Variants in TMOD4 observed in about 807,000 individuals in gnomAD.
The protein encoded by TMOD4 is tropomodulin 4.
TMOD4 carries 34 observed loss-of-function variants against 45.4 expected under a neutral mutation model. The observed-to-expected ratio is 0.75, with a 90% CI of 0.57 to 1.00. The LOEUF (loss-of-function observed/expected upper bound fraction) is 1.00, where lower values mean the gene tolerates loss of function less well. Among genes scored for constraint, TMOD4 ranks in the 50% least tolerant of loss-of-function variants. The pLI is 0.00. For missense variants in TMOD4, 399 were observed against 437.5 expected (o/e 0.91, Z 0.78); for synonymous variants, 131 against 153.9 (o/e 0.85, Z 1.10).
chr1:151,174,601 G>C, intron 2 of TMOD4, 54 bp from the exon 3 acceptor site: 1 of 1,602,800 alleles, frequency 6.2e-7, no homozygotes, highest in Non-Finnish European at 8.5e-7. Context: ...CCTAGGTACT[G>C]CTAGGGCTCC....
In TMOD4 at chr1:151,174,509, C is replaced by G. The variant is rs766859462; in HGVS notation, c.162G>C (p.Gln54His). 1.2e-6 allele frequency: 2 copies of G among 1,614,188 alleles called. No homozygotes were observed. The highest frequency in any genetic ancestry group is 1.7e-6 in the Non-Finnish European group (2 of 1,180,036). The change falls in exon 3 of 10, where the codon CAG becomes CAC. Residue 54 changes from glutamine (Q) to histidine (H), a missense_variant. Physicochemically the swap from Gln to His is conservative, Grantham distance 24. Coordinates refer to ENST00000295314, the MANE Select transcript of TMOD4 (RefSeq NM_013353.3). ...LLPAGLRQRD[Q>H]TKKSPTGPLD... ...GTGGCCCCGTTGGGCTCTTCTTTGT[C>G]TGGTCACGTTGTCTTAGTCCAGCTG...
At chr1:151,170,697 C>A in intron 8 of TMOD4, 34 bp from the exon 9 acceptor site, 1 of 1,610,978 alleles carries the variant, frequency 6.2e-7, no homozygotes, top group Non-Finnish European at 8.5e-7. Flanking sequence ...TGACAGTCAC[C>A]CTCTCTGGGC....
At position 151,170,610 on chromosome 1, in the gene TMOD4, C is replaced by T. The variant is rs1486544984; in HGVS notation, c.924G>A (p.Gln308=). The change falls in exon 9 of 10, where the codon CAG becomes CAA. Residue 308 remains glutamine (Q), a synonymous_variant. Coordinates refer to ENST00000295314, the MANE Select transcript of TMOD4 (RefSeq NM_013353.3). The part of the protein sequence containing the change: ...VEMEMATVLE[Q]CPSIVRFGYH... Reference sequence around the variant, plus strand: ...AGCCAAAGCGGACAATAGAGGGACACTGCTCTAGCACGGTGGCCATCTCCA... The same window carrying T: ...AGCCAAAGCGGACAATAGAGGGACATTGCTCTAGCACGGTGGCCATCTCCA... 6.2e-7 allele frequency: 1 copy of T among 1,614,222 alleles called. No homozygotes were observed. Among genetic ancestry groups the T allele is most frequent in the South Asian group, 1.1e-5 (1 of 91,092 alleles).
In TMOD4 at chr1:151,171,756, T is replaced by C; in HGVS notation, c.495A>G (p.Val165=). 9.9e-6 allele frequency: 16 copies of C among 1,613,966 alleles called. No individual in the cohort carries two copies. The highest frequency in any genetic ancestry group is 1.4e-5 in the Non-Finnish European group (16 of 1,179,958). Residue 165 remains valine, a synonymous_variant, in exon 6 of 10, where the codon GTA becomes GTG. Transcript: ENST00000295314. ...GCACTGGCTTATACTTGTCAGGCTG[T>C]ACCACACCTGGTGAATGAGGGCAGG... ...ICNTEGISSV[V]QPDKYKPVPD... is the part of the protein sequence containing the mutation.
At chr1:151,171,884 T>A in intron 5 of TMOD4, 121 bp from the exon 6 acceptor site, 1 of 1,275,494 alleles carries the variant, frequency 7.8e-7, no homozygotes, top group Non-Finnish European at 1.1e-6. Flanking sequence ...CCACCTAGGC[T>A]GGAATGCAGT....
At chr1:151,172,780 A>G (rs938192767) in intron 4 of TMOD4, among the ~76,000 whole-genome samples, 2 of 151,600 alleles carry the variant, frequency 1.3e-5, no homozygotes, top group Non-Finnish European at 2.9e-5. Flanking sequence ...TTACAGGTGC[A>G]TGCTGCCATG....
At chr1:151,171,803 C>T (rs2101712098) in intron 5 of TMOD4, 40 bp from the exon 6 acceptor site, 2 of 1,586,844 alleles carry the variant, frequency 1.3e-6, no homozygotes, top group African/African-American at 1.4e-5. Flanking sequence ...AACATGTTCC[C>T]CATAATCTCC....
At chr1:151,173,375 C>T (rs893539295) in intron 4 of TMOD4, 124 bp downstream of exon 4, 4 of 706,100 alleles carry the variant, frequency 5.7e-6, no homozygotes, top group Admixed American at 2.3e-5. Context: ...AAGCTTGAAA[C>T]TACTGCTTGA....
chr1:151,170,181 C>G, intron 9 of TMOD4, 78 bp from the exon 10 acceptor site: 3 of 1,558,808 alleles, frequency 1.9e-6, no homozygotes, highest in Non-Finnish European at 2.7e-6. Flanking sequence ...CCTTTCCAGT[C>G]CCTTAGCCAA....
chr1:151,171,365 T>G lies in TMOD4; in HGVS notation c.726+68A>C. On this transcript the variant is annotated intron_variant, in intron 7 of 9. Coordinates refer to ENST00000295314, the MANE Select transcript of TMOD4 (RefSeq NM_013353.3). ...GAATAGCACTCCCTAGCAAAACCCT[T>G]TATGACAGCCATGCAACAGGTGCAT... The G allele has an allele frequency of 2.1e-6, 3 of 1,451,866 alleles. No homozygotes were observed. In the South Asian group the frequency reaches 3.5e-5, roughly 17 times the overall value. The allele number at this position is 1,451,866 out of a possible 1,614,324, so 89.9% of individuals were successfully genotyped here. A position where few individuals can be genotyped will look rare whatever the true frequency, so the allele number is the denominator to read the frequency against.
chr1:151,173,063 C>T (rs587636841), intron 4 of TMOD4, among the ~76,000 whole-genome samples: 12 of 152,200 alleles, frequency 7.9e-5, no homozygotes, highest in African/African-American at 2.6e-4. Context: ...CCTCGTGATC[C>T]ACCCGCCTCG....
At position 151,170,532 on chromosome 1, in the gene TMOD4, T is replaced by G. The variant is rs762610359; in HGVS notation, c.1002A>C (p.Arg334=). Residue 334 remains arginine, a synonymous_variant, in exon 9 of 10, where the codon CGA becomes CGC. Coordinates refer to ENST00000295314, the MANE Select transcript of TMOD4 (RefSeq NM_013353.3). ...GCAGTTACTCACGTAGTTCATTGTTTCGGGTCATGGCCTGGGCTGCCCGAG... is the reference window on the plus strand; with the variant it reads ...GCAGTTACTCACGTAGTTCATTGTTGCGGGTCATGGCCTGGGCTGCCCGAG... ...PRARAAQAMT[R]NNELRRQQKK... The G allele has an allele frequency of 1.2e-5, 20 of 1,614,110 alleles. No homozygotes were observed. The African/African-American group carries it at 2.0e-4, about 16-fold the overall frequency.
In TMOD4 at chr1:151,174,787, T is replaced by G. The variant is rs1296965601; in HGVS notation, c.89A>C (p.Gln30Pro). The G allele has an allele frequency of 6.2e-7, 1 of 1,614,032 alleles. No individual in the cohort carries two copies. Among genetic ancestry groups the G allele is most frequent in the African/African-American group, 1.3e-5 (1 of 74,940 alleles). ...CATCTCCTGTAGTTCGCAGTCCAGCTGCTCTAGCTCCTCGGGGCTCAAGGT... is the reference window on the plus strand; with the variant it reads ...CATCTCCTGTAGTTCGCAGTCCAGCGGCTCTAGCTCCTCGGGGCTCAAGGT... ...LRTLSPEELEQLDCELQEMDP... is the reference protein window; with the variant it reads ...LRTLSPEELEPLDCELQEMDP... Residue 30 changes from glutamine (Q) to proline (P), a missense_variant, in exon 2 of 10, where the codon CAG (glutamine) becomes CCG (proline). Physicochemically the swap from Gln to Pro is moderately conservative, Grantham distance 76 (BLOSUM62 -1). Coordinates refer to ENST00000295314, the MANE Select transcript of TMOD4 (RefSeq NM_013353.3).
Position 151,172,295 on chromosome 1 carries a change from C to A in TMOD4, c.460G>T (p.Glu154Ter). 1 of 1,613,914 alleles carries A rather than the reference C, an allele frequency of 6.2e-7. No individual in the cohort carries two copies. The highest frequency in any genetic ancestry group is 8.5e-7 in the Non-Finnish European group (1 of 1,179,856). Residue 154 changes from glutamate to a stop codon, truncating the protein, a stop_gained, in exon 5 of 10, where the codon GAA becomes TAA. Coordinates refer to ENST00000295314, the MANE Select transcript of TMOD4 (RefSeq NM_013353.3). LOFTEE classifies it high-confidence loss of function. ...CTAATGCCTTCAGTGTTGCAGATTTCTCCACTGCAGAGGGCATCATAGTAT... is the reference window on the plus strand; with the variant it reads ...CTAATGCCTTCAGTGTTGCAGATTTATCCACTGCAGAGGGCATCATAGTAT... ...KQYYDALCSG[E>*]ICNTEGISSV... is the part of the protein sequence containing the mutation.
rs774961956 is a variant in TMOD4 at position 151,173,545 on chromosome 1, C to T, written c.351G>A (p.Glu117=). 18 of 1,614,188 alleles carry T rather than the reference C, an allele frequency of 1.1e-5. No individual in the cohort carries two copies. The highest frequency in any genetic ancestry group is 1.4e-5 in the Non-Finnish European group (17 of 1,180,028). Residue 117 remains glutamate, a synonymous_variant, in exon 4 of 10, where the codon GAG becomes GAA. Transcript: ENST00000295314. ...EEQITLEPEL[E]EALAHATDAE... is the part of the protein sequence containing the mutation. Reference sequence around the variant, plus strand: ...CATCTGTGGCATGTGCCAGTGCCTCCTCCAGCTCAGGCTCCAGGGTGATCT... The same window carrying T: ...CATCTGTGGCATGTGCCAGTGCCTCTTCCAGCTCAGGCTCCAGGGTGATCT...
intron 3 of TMOD4, among the ~76,000 whole-genome samples, chr1:151,174,108 C>T (rs1021813096): frequency 5.3e-5 from 8 of 151,898 alleles, no homozygotes; most frequent in Admixed American, 1.3e-4. Context: ...CCCAGCTACT[C>T]GGGGGGCTGA....
intron 4 of TMOD4, among the ~76,000 whole-genome samples, chr1:151,172,642 T>C (rs1167989906): frequency 6.6e-6 from 1 of 152,046 alleles, no homozygotes; most frequent in Non-Finnish European, 1.5e-5. Flanking sequence ...TTCCACTTTT[T>C]TTCCCCCCGA....
intron 4 of TMOD4, among the ~76,000 whole-genome samples, chr1:151,173,208 C>T (rs1410349255): frequency 1.3e-5 from 2 of 151,950 alleles, no homozygotes; most frequent in African/African-American, 4.8e-5. Flanking sequence ...CTGAGTGCTC[C>T]CAAGTGCACT....
At chr1:151,173,831 C>A (rs587668534) in intron 3 of TMOD4, among the ~76,000 whole-genome samples, 1 of 152,326 alleles carries the variant, frequency 6.6e-6, no homozygotes, top group South Asian at 2.1e-4. Flanking sequence ...GTAATCCCAG[C>A]ACTTGGGGAG....
Sources: gnomAD v4.1 joint callset for allele counts (sites outside exome capture counted in the v4.1 genomes callset) on GRCh38, gnomAD v4.1.1 for gene constraint, MANE v1.5 for transcripts, NCBI Gene and HGNC (gene_info 2026-07-23, HGNC 2026-07-21) for gene names.